The following SLC1A1 variants were observed in gnomAD, a reference collection of about 807,000 sequenced individuals.
The protein encoded by SLC1A1 is excitatory amino acid transporter 3.
Under a neutral mutation model 53.3 loss-of-function variants are expected in SLC1A1, and 43 were observed. The observed-to-expected ratio is 0.81, with a 90% CI of 0.63 to 1.04. The LOEUF is 1.04. Ranked by LOEUF, SLC1A1 falls within the 50% of genes least tolerant of loss-of-function variation. The pLI, the probability that SLC1A1 is intolerant of heterozygous loss-of-function variation, is 0.00. For missense variants in SLC1A1, 748 were observed against 664.9 expected (o/e 1.12, Z -1.37); for synonymous variants, 307 against 243.2 (o/e 1.26, Z -2.44).
chr9:4,517,821 C>T (rs923506647), intron 1 of SLC1A1, among the ~76,000 whole-genome samples: 1 of 152,186 alleles, frequency 6.6e-6, no homozygotes, highest in African/African-American at 2.4e-5. Context: ...AAGACCACCA[C>T]AGACCCATGG....
chr9:4,542,055 T>G (rs1395680503), intron 1 of SLC1A1, among the ~76,000 whole-genome samples: 1 of 151,996 alleles, frequency 6.6e-6, no homozygotes, highest in Non-Finnish European at 1.5e-5. Flanking sequence ...CTAGGTGAGG[T>G]CATTCACTAG....
intron 1 of SLC1A1, among the ~76,000 whole-genome samples, chr9:4,517,109 T>C (rs1382524734): frequency 1.3e-5 from 2 of 152,222 alleles, no homozygotes; most frequent in African/African-American, 2.4e-5. Flanking sequence ...AAATAACGTA[T>C]TATAAAAGTG....
intron 1 of SLC1A1, among the ~76,000 whole-genome samples, chr9:4,544,106 G>A (rs1020068615): frequency 1.3e-5 from 2 of 152,144 alleles, no homozygotes; most frequent in African/African-American, 4.8e-5. Flanking sequence ...AGCCTGGAAG[G>A]TTGAGGCTGC....
At chr9:4,576,827 C>G in intron 10 of SLC1A1, 64 bp downstream of exon 10, 1 of 1,432,478 alleles carries the variant, frequency 7.0e-7, no homozygotes, top group Admixed American at 1.7e-5. Flanking sequence ...TAAAAATTGT[C>G]CATGAAGGGA....
chr9:4,496,937 A>G (rs569255143), intron 1 of SLC1A1, among the ~76,000 whole-genome samples: 74 of 152,222 alleles, frequency 4.9e-4, no homozygotes, highest in Admixed American at 2.2e-3. Context: ...GAGAGAAAAT[A>G]ATGAATGCTG....
chr9:4,564,605 A>C, intron 4 of SLC1A1, 147 bp downstream of exon 4: 2 of 689,490 alleles, frequency 2.9e-6, no homozygotes. Flanking sequence ...AGGAACCCAC[A>C]AATTACATAG....
chr9:4,568,714 A>G (rs1056703564), intron 6 of SLC1A1, among the ~76,000 whole-genome samples: 1 of 150,892 alleles, frequency 6.6e-6, no homozygotes, highest in Non-Finnish European at 1.5e-5. Flanking sequence ...AAAAAAAAAC[A>G]TACACACAAA....
intron 7 of SLC1A1, among the ~76,000 whole-genome samples, chr9:4,573,372 C>T (rs1233332543): frequency 3.3e-5 from 5 of 152,144 alleles, no homozygotes; most frequent in Non-Finnish European, 7.3e-5. Context: ...AAAAGCTACC[C>T]CCAGGGATAG....
At chr9:4,536,496 C>T (rs1816678974) in intron 1 of SLC1A1, among the ~76,000 whole-genome samples, 1 of 152,140 alleles carries the variant, frequency 6.6e-6, no homozygotes, top group African/African-American at 2.4e-5. Flanking sequence ...CATTGAGATA[C>T]CATCTCACAC....
chr9:4,556,118 A>G lies in SLC1A1; in HGVS notation c.233-5331A>G, dbSNP rs532069519. On this transcript the variant is annotated intron_variant, in intron 2 of 11. Transcript: ENST00000262352. This position sits in a 1 kb window ranked among gnomAD's most constrained non-coding sequence, Gnocchi z 4.1. ...ATTCTCCTGCCTCAGCCTCCTGAGT[A>G]GCTGGGATTGCAGGTGCACACCATC... Among the ~76,000 whole-genome samples, 1 of 151,990 alleles carries G rather than the reference A, an allele frequency of 6.6e-6. No homozygotes were observed. Among genetic ancestry groups the G allele is most frequent in the South Asian group, 2.1e-4 (1 of 4,814 alleles).
At chr9:4,552,917 C>T (rs756713603) in intron 2 of SLC1A1, among the ~76,000 whole-genome samples, 24 of 151,876 alleles carry the variant, frequency 1.6e-4, no homozygotes, top group Middle Eastern at 3.4e-3. Context: ...AATTGAGCTA[C>T]GCAGATATGA....
chr9:4,544,227 G>T (rs1330633649), intron 1 of SLC1A1, among the ~76,000 whole-genome samples: 1 of 152,126 alleles, frequency 6.6e-6, no homozygotes, highest in Non-Finnish European at 1.5e-5. Flanking sequence ...AAAAGGTGGT[G>T]TGTGAATGCA....
At chr9:4,545,550 G>A (rs1012346377) in intron 2 of SLC1A1, among the ~76,000 whole-genome samples, 1 of 152,186 alleles carries the variant, frequency 6.6e-6, no homozygotes, top group African/African-American at 2.4e-5. Context: ...CAGCCTCTCA[G>A]CAGCTGCCTT....
At chr9:4,543,690 T>C (rs1297582987) in intron 1 of SLC1A1, among the ~76,000 whole-genome samples, 1 of 152,186 alleles carries the variant, frequency 6.6e-6, no homozygotes, top group East Asian at 1.9e-4. Context: ...AATATATCAT[T>C]ATCTAGAAAT....
chr9:4,566,219 C>T (rs548018375), intron 5 of SLC1A1, 130 bp downstream of exon 5: 1 of 822,074 alleles, frequency 1.2e-6, no homozygotes, highest in South Asian at 1.3e-5. Context: ...AAACCTGTGA[C>T]TGGCCAAGTT....
At chr9:4,534,361 A>C (rs1816594109) in intron 1 of SLC1A1, among the ~76,000 whole-genome samples, 1 of 152,204 alleles carries the variant, frequency 6.6e-6, no homozygotes, top group South Asian at 2.1e-4. Flanking sequence ...AGATGCAATT[A>C]AAAAATGATA....
chr9:4,563,188 G>T (rs1324522887), intron 3 of SLC1A1, among the ~76,000 whole-genome samples: 1 of 151,484 alleles, frequency 6.6e-6, no homozygotes. Flanking sequence ...AAGACAGAAG[G>T]AGCATATACT....
rs148929864 is a variant in SLC1A1 at position 4,565,665 on chromosome 9, C to T, written c.441-382C>T. On this transcript the variant is annotated intron_variant, in intron 4 of 11. Coordinates refer to ENST00000262352, the MANE Select transcript of SLC1A1 (RefSeq NM_004170.6). The stretch of plus-strand genomic sequence containing the variant: ...CCCCTCCCCTGACATGTGGGGATTA[C>T]AATTTGACATGAGATTTGGGTGGGG... Among the ~76,000 whole-genome samples, 799 of 152,286 alleles carry T rather than the reference C, an allele frequency of 5.2e-3. 11 individuals are homozygous for T. The highest frequency in any genetic ancestry group is 0.019 in the African/African-American group (777 of 41,550).
At chr9:4,546,594 C>T (rs10815017) in intron 2 of SLC1A1, among the ~76,000 whole-genome samples, 37,549 of 152,128 alleles carry the variant, frequency 0.25, 5,190 homozygotes, top group Admixed American at 0.35. Context: ...TTCACTCTTA[C>T]GTTACCTGCC....
Sources: gnomAD v4.1 joint callset for allele counts (sites outside exome capture counted in the v4.1 genomes callset) on GRCh38, gnomAD v4.1.1 for gene constraint, Gnocchi (gnomAD v3.1) non-coding constraint, MANE v1.5 for transcripts, NCBI Gene and HGNC (gene_info 2026-07-23, HGNC 2026-07-21) for gene names.